Variants in DDX17 observed in about 807,000 individuals in gnomAD.
DDX17 encodes DEAD-box helicase 17, also known as probable ATP-dependent RNA helicase DDX17.
Under a neutral mutation model 80.8 loss-of-function variants are expected in DDX17, and 10 were observed. That is an observed-to-expected ratio of 0.12 (90% CI 0.08 to 0.21). The LOEUF (loss-of-function observed/expected upper bound fraction) is 0.21, where lower values mean the gene tolerates loss of function less well. DDX17 is among the 10% of genes least tolerant of loss of function. The pLI, the probability that DDX17 is intolerant of heterozygous loss-of-function variation, is 1.00. For synonymous variants in DDX17, 339 were observed against 336.2 expected, an observed-to-expected ratio of 1.01 and a Z score of -0.09; for missense variants, 586 against 957.4, an observed-to-expected ratio of 0.61 and a Z score of 5.12.
chr22:38,498,345 G>A (rs2089791039), intron 4 of DDX17, 95 bp downstream of exon 4: 2 of 1,540,444 alleles, frequency 1.3e-6, no homozygotes, highest in Non-Finnish European at 1.8e-6. Context: ...CTAACTATCT[G>A]AATGGCACTT....
intron 11 of DDX17, chr22:38,491,032 A>G (rs2089708834): frequency 6.5e-6 from 1 of 152,738 alleles, no homozygotes; most frequent in Admixed American, 6.5e-5. Flanking sequence ...CTTTATGTAA[A>G]CTGCTTTCAG....
chr22:38,494,656 G>C lies in DDX17; in HGVS notation c.1188C>G (p.Val396=). The C allele has an allele frequency of 6.2e-7, 1 of 1,614,110 alleles. No homozygotes were observed. The highest frequency in any genetic ancestry group is 8.5e-7 in the Non-Finnish European group (1 of 1,180,002). ...TGTGGTCTTTTTCACTTTCCATGCA[G>C]ACATCCACTATCTGGAGGATGTTGT... is the stretch of plus-strand genomic sequence containing the variant. The change falls in exon 8 of 13, where the codon GTC becomes GTG. Residue 396 remains valine, a synonymous_variant. Transcript: ENST00000403230.
chr22:38,497,828 T>G (rs1309317035), intron 5 of DDX17, among the ~76,000 whole-genome samples: 1 of 152,040 alleles, frequency 6.6e-6, no homozygotes, highest in South Asian at 2.1e-4. Flanking sequence ...AAACACTTGA[T>G]TTACTGCACA....
intron 1 of DDX17, among the ~76,000 whole-genome samples, chr22:38,504,154 T>G (rs2089857424): frequency 1.3e-5 from 2 of 152,220 alleles, no homozygotes; most frequent in Admixed American, 1.3e-4. Flanking sequence ...ACCACTACCT[T>G]GAATTTTGTT....
At chr22:38,503,336 G>A (rs762052066) in intron 1 of DDX17, among the ~76,000 whole-genome samples, 3 of 152,190 alleles carry the variant, frequency 2.0e-5, no homozygotes, top group Non-Finnish European at 4.4e-5. Flanking sequence ...ACATTGCAAT[G>A]CTACCCAAAC....
chr22:38,488,491 T>G (rs1351235765), intron 11 of DDX17: 31 of 1,086,190 alleles, frequency 2.9e-5, no homozygotes, highest in Non-Finnish European at 3.3e-5. Flanking sequence ...AACAAAGTGG[T>G]AAACCACTGT....
At chr22:38,492,572 C>T (rs762321503) in intron 10 of DDX17, among the ~76,000 whole-genome samples, 2 of 152,170 alleles carry the variant, frequency 1.3e-5, no homozygotes, top group Non-Finnish European at 1.5e-5. Context: ...CCGCAACCTC[C>T]ACCTCCCGGG....
chr22:38,486,801 C>T (rs975922030), intron 12 of DDX17, among the ~76,000 whole-genome samples: 2 of 152,134 alleles, frequency 1.3e-5, no homozygotes, highest in African/African-American at 2.4e-5. Flanking sequence ...CACCACTAAA[C>T]AGTGTAAAAT....
In DDX17 at chr22:38,492,564, G is replaced by A. The variant is rs1401447886; in HGVS notation, c.1388-449C>T. ...TGCAGTGGCGCAATCTCAGCTCACC[G>A]CAACCTCCACCTCCCGGGTTCAAGC... On this transcript the variant is annotated intron_variant, in intron 10 of 12. Coordinates refer to ENST00000403230, the MANE Select transcript of DDX17 (RefSeq NM_006386.5). 4.6e-5 allele frequency among the ~76,000 whole-genome samples: 7 copies of A among 152,092 alleles called. No homozygotes were observed. In the East Asian group the frequency reaches 7.7e-4, roughly 17 times the overall value.
At position 38,489,885 on chromosome 22, in the gene DDX17, A is replaced by G. The variant is rs1246669467; in HGVS notation, c.1448-1770T>C. On this transcript the variant is annotated intron_variant, in intron 11 of 12. Transcript: ENST00000403230. This position sits in a 1 kb window ranked among gnomAD's most constrained non-coding sequence, Gnocchi z 4.6. ...TCTACTCCATGGTATCTTCAGAGCT[A>G]GGATAATGCTCCTTATGCAATCCCA... is the stretch of plus-strand genomic sequence containing the variant. 1 of 986,604 alleles carries G rather than the reference A, an allele frequency of 1.0e-6. No individual in the cohort carries two copies. The highest frequency in any genetic ancestry group is 1.2e-6 in the Non-Finnish European group (1 of 830,740). The allele number at this position is 986,604 out of a possible 1,614,324, so 61.1% of individuals were successfully genotyped here.
chr22:38,485,211 T>G lies in DDX17; in HGVS notation c.*724A>C, dbSNP rs893177695. 1.3e-5 allele frequency: 2 copies of G among 152,162 alleles called. No individual in the cohort carries two copies. Among genetic ancestry groups the G allele is most frequent in the Admixed American group, 6.5e-5 (1 of 15,280 alleles). 9.4% of individuals were successfully genotyped at this position (152,162 alleles called of 1,614,324 possible). ...ACAGTTTAACCACTACAATAAACAC[T>G]TGTGGTTTTTAATTTAAAGGATACA... On this transcript the variant is annotated 3_prime_UTR_variant, in exon 13 of 13. Transcript: ENST00000403230.
chr22:38,505,807 C>CG (rs1295343726), intron 1 of DDX17, 144 bp downstream of exon 1: 1 of 1,107,140 alleles, frequency 9.0e-7, no homozygotes, highest in Non-Finnish European at 1.3e-6. Context: ...GGTCCGCGCA[C>CG]GAAACCGCTG....
At position 38,501,125 on chromosome 22, in the gene DDX17, C is replaced by A; in HGVS notation, c.438+5G>T. 6.2e-7 allele frequency: 1 copy of A among 1,613,442 alleles called. No homozygotes were observed. The highest frequency in any genetic ancestry group is 1.3e-5 in the African/African-American group (1 of 74,964). ...CTGTACATTAAAACACACATGTAAA[C>A]TTACTGGTGTCAGCCTTGCTACTTC... On this transcript the variant is annotated splice_donor_5th_base_variant and intron_variant, in intron 2 of 12. Transcript: ENST00000403230.
Position 38,486,350 on chromosome 22 carries a change from T to C in DDX17, c.1775A>G (p.Lys592Arg). Residue 592 changes from lysine to arginine, a missense_variant, in exon 13 of 13, where the codon AAG (lysine) becomes AGG (arginine). Physicochemically the swap from Lys to Arg is conservative, Grantham distance 26. Coordinates refer to ENST00000403230, the MANE Select transcript of DDX17 (RefSeq NM_006386.5). ...TGCAGAGTCTCTCCGGCCACCATCC[T>C]TGACTCCTCGAAGCCTTCGGTCACA... The C allele has an allele frequency of 6.2e-7, 1 of 1,614,208 alleles. No homozygotes were observed. The highest frequency in any genetic ancestry group is 1.1e-5 in the South Asian group (1 of 91,080).
chr22:38,493,860 G>GT lies in DDX17; in HGVS notation c.1326-90dup, dbSNP rs1383225584. On this transcript the variant is annotated intron_variant, in intron 9 of 12. Coordinates refer to ENST00000403230, the MANE Select transcript of DDX17 (RefSeq NM_006386.5). ...AGCCAAATGCTATCATGCAATTTTTGTAAGGTTTGTCAGGCTTCATGAATA... is the reference window on the plus strand; with the variant it reads ...AGCCAAATGCTATCATGCAATTTTTGTTAAGGTTTGTCAGGCTTCATGAATA... The GT allele has an allele frequency of 5.7e-6, 8 of 1,397,006 alleles. No individual in the cohort carries two copies. The East Asian group carries it at 1.8e-4, about 32-fold the overall frequency. 86.5% of individuals were successfully genotyped at this position (1,397,006 alleles called of 1,614,324 possible).
At chr22:38,499,720 G>A (rs972060944) in intron 2 of DDX17, among the ~76,000 whole-genome samples, 4 of 152,058 alleles carry the variant, frequency 2.6e-5, no homozygotes, top group Admixed American at 6.5e-5. Context: ...TTTTCTATAG[G>A]AGAAAAAAGA....
intron 2 of DDX17, 48 bp downstream of exon 2, chr22:38,501,082 T>C (rs763889394): frequency 1.3e-6 from 2 of 1,580,808 alleles, no homozygotes; most frequent in Non-Finnish European, 1.7e-6. Flanking sequence ...AACCAATATA[T>C]CTACTTGGTT....
intron 10 of DDX17, 108 bp downstream of exon 10, chr22:38,493,602 C>G: frequency 1.2e-6 from 1 of 845,388 alleles, no homozygotes; most frequent in Non-Finnish European, 2.0e-6. Context: ...AGCATACTTA[C>G]TATGTGGCCC....
chr22:38,490,234 G>A, intron 11 of DDX17: 3 of 1,232,226 alleles, frequency 2.4e-6, no homozygotes, highest in Non-Finnish European at 3.1e-6. Flanking sequence ...GCTGTAGCAG[G>A]GTAAGAAATC....
Sources: allele counts gnomAD v4.1 joint callset (sites outside exome capture counted in the v4.1 genomes callset), GRCh38; gene constraint gnomAD v4.1.1; non-coding constraint Gnocchi (gnomAD v3.1); transcripts MANE v1.5; gene names NCBI Gene and HGNC (gene_info 2026-07-23, HGNC 2026-07-21).